HRH1: variants seen among roughly 807,000 people sequenced by gnomAD.
HRH1 encodes the protein histamine receptor H1, also known as histamine H1 receptor.
HRH1 carries 6 observed loss-of-function variants against 10.3 expected under a neutral mutation model. The observed-to-expected ratio is 0.58, with a 90% CI of 0.32 to 1.15. The LOEUF (loss-of-function observed/expected upper bound fraction) is 1.15, where lower values mean the gene tolerates loss of function less well. HRH1 is among the 50% of genes most tolerant of loss of function. The pLI is 0.05. For missense variants in HRH1, 514 were observed against 615.3 expected, an observed-to-expected ratio of 0.84 and a Z score of 1.74; for synonymous variants, 242 against 236.7, an observed-to-expected ratio of 1.02 and a Z score of -0.21.
At chr3:11,233,414 T>G (rs536921202) in intron 1 of HRH1, among the ~76,000 whole-genome samples, 2 of 152,284 alleles carry the variant, frequency 1.3e-5, no homozygotes, top group Admixed American at 6.5e-5. Flanking sequence ...TGGGTTCTTT[T>G]TTGTTGTTGT....
At chr3:11,238,257 C>G (rs2152578107) in intron 1 of HRH1, among the ~76,000 whole-genome samples, 1 of 152,304 alleles carries the variant, frequency 6.6e-6, no homozygotes, top group East Asian at 1.9e-4. Context: ...GTAGCTCAGT[C>G]ATTCCTCTCC....
chr3:11,162,355 G>T (rs1013383570), intron 1 of HRH1, among the ~76,000 whole-genome samples: 1 of 151,818 alleles, frequency 6.6e-6, no homozygotes, highest in African/African-American at 2.4e-5. Context: ...TCTCCTTGGT[G>T]GGGGAGTGCG....
intron 1 of HRH1, among the ~76,000 whole-genome samples, chr3:11,171,856 G>A (rs12486626): frequency 6.6e-6 from 1 of 152,178 alleles, no homozygotes; most frequent in African/African-American, 2.4e-5. Flanking sequence ...GGATGAAGTA[G>A]GATATCTAAA....
At chr3:11,138,733 G>A (rs990073602) in intron 1 of HRH1, among the ~76,000 whole-genome samples, 1 of 146,682 alleles carries the variant, frequency 6.8e-6, no homozygotes, top group African/African-American at 2.5e-5. Flanking sequence ...TGAGTGCAGT[G>A]GCATGATCAC....
intron 1 of HRH1, among the ~76,000 whole-genome samples, chr3:11,215,611 T>G (rs1938463511): frequency 6.6e-6 from 1 of 152,220 alleles, no homozygotes; most frequent in Non-Finnish European, 1.5e-5. Context: ...TGGCTAATTT[T>G]TTGTATTTTT....
intron 1 of HRH1, among the ~76,000 whole-genome samples, chr3:11,174,915 G>A (rs1449596493): frequency 6.6e-6 from 1 of 152,132 alleles, no homozygotes; most frequent in Admixed American, 6.5e-5. Context: ...CTCCTGCCCC[G>A]GGCAACATTC....
chr3:11,210,627 A>C (rs953528137), intron 1 of HRH1, among the ~76,000 whole-genome samples: 5 of 152,006 alleles, frequency 3.3e-5, no homozygotes, highest in African/African-American at 1.2e-4. Flanking sequence ...CCCCATCTCT[A>C]CCAAAAAATA....
chr3:11,239,060 A>G (rs1443819499), intron 1 of HRH1, among the ~76,000 whole-genome samples: 2 of 152,220 alleles, frequency 1.3e-5, no homozygotes, highest in Non-Finnish European at 2.9e-5. Context: ...TATGGTAACT[A>G]TGTTTAACCA....
At chr3:11,214,594 C>T (rs1055484267) in intron 1 of HRH1, among the ~76,000 whole-genome samples, 10 of 152,160 alleles carry the variant, frequency 6.6e-5, no homozygotes, top group African/African-American at 2.4e-4. Flanking sequence ...GGAGACCATG[C>T]ATTGTCATTC....
chr3:11,258,395 G>C (rs114362752), intron 1 of HRH1, among the ~76,000 whole-genome samples: 3 of 152,110 alleles, frequency 2.0e-5, no homozygotes, highest in African/African-American at 7.2e-5. Context: ...TGGCCTTCCC[G>C]ATGGTCCCAA....
intron 1 of HRH1, among the ~76,000 whole-genome samples, chr3:11,177,577 C>G (rs1441570425): frequency 6.6e-6 from 1 of 152,174 alleles, no homozygotes; most frequent in East Asian, 1.9e-4. Flanking sequence ...CAGCACTCGT[C>G]CCCCTGAGCT....
In HRH1 at chr3:11,190,393, A is replaced by T. The variant is rs531889360; in HGVS notation, c.-36+35839A>T. Among the ~76,000 whole-genome samples, 85 of 151,094 alleles carry T rather than the reference A, an allele frequency of 5.6e-4. 2 individuals are homozygous for T. The South Asian group carries it at 0.017, about 30-fold the overall frequency. ...TTTTAATTAATTAATTTATTTATTTATTTTGTAGAGATGGAGTATCACTCT... is the reference window on the plus strand; with the variant it reads ...TTTTAATTAATTAATTTATTTATTTTTTTTGTAGAGATGGAGTATCACTCT... On this transcript the variant is annotated intron_variant, in intron 1 of 1. Transcript: ENST00000431010.
intron 1 of HRH1, among the ~76,000 whole-genome samples, chr3:11,255,449 TA>T (rs1412996054): frequency 6.6e-6 from 1 of 151,948 alleles, no homozygotes; most frequent in Non-Finnish European, 1.5e-5. Context: ...CAGTAAAAAA[TA>T]AAAATCCCTG....
At chr3:11,199,120 G>A (rs899040748) in intron 1 of HRH1, among the ~76,000 whole-genome samples, 8 of 151,968 alleles carry the variant, frequency 5.3e-5, no homozygotes, top group Middle Eastern at 3.2e-3. Flanking sequence ...GGGTTTCACC[G>A]TGTTGGCCAG....
chr3:11,241,629 C>G (rs750893445), intron 1 of HRH1, among the ~76,000 whole-genome samples: 4 of 151,876 alleles, frequency 2.6e-5, no homozygotes, highest in Admixed American at 6.6e-5. Context: ...GTCAGGAGAT[C>G]GAAACCATCC....
Position 11,242,480 on chromosome 3 carries a change from C to CAAAAAA in HRH1, c.-35-16499_-35-16494dup, listed in dbSNP as rs35809891. On this transcript the variant is annotated intron_variant, in intron 1 of 1. Transcript: ENST00000431010. ...TGGGCAACAGAGCCAGACTCCGTCT[C>CAAAAAA]AAAAAAAAAAAAAAAAAAAAAAAAA... 1.2e-4 allele frequency among the ~76,000 whole-genome samples: 6 copies of CAAAAAA among 50,362 alleles called. 1 individual carries two copies. Among genetic ancestry groups the CAAAAAA allele is most frequent in the Admixed American group, 1.1e-3 (3 of 2,736 alleles). 33.0% of individuals were successfully genotyped at this position (50,362 alleles called of 152,430 possible).
chr3:11,153,999 G>T (rs1265139652), upstream of HRH1, among the ~76,000 whole-genome samples: 3 of 152,140 alleles, frequency 2.0e-5, no homozygotes, highest in Non-Finnish European at 1.5e-5. Context: ...CCCCTAGCAG[G>T]AATGAGGGGC....
intron 1 of HRH1, among the ~76,000 whole-genome samples, chr3:11,239,385 A>G (rs1939274259): frequency 6.6e-6 from 1 of 152,070 alleles, no homozygotes; most frequent in Admixed American, 6.6e-5. Context: ...ATTGAGTTGG[A>G]AGTGTTCTTT....
intron 1 of HRH1, among the ~76,000 whole-genome samples, chr3:11,172,003 G>T (rs1462995377): frequency 6.6e-6 from 1 of 152,190 alleles, no homozygotes; most frequent in Non-Finnish European, 1.5e-5. Context: ...TATCTTCAAG[G>T]ACAGGGCACC....
Sources: gnomAD v4.1 joint callset for allele counts (sites outside exome capture counted in the v4.1 genomes callset) on GRCh38, gnomAD v4.1.1 for gene constraint, MANE v1.5 for transcripts, NCBI Gene and HGNC (gene_info 2026-07-23, HGNC 2026-07-21) for gene names.